The following PLEKHG5 variants were observed in gnomAD, a reference collection of about 807,000 sequenced individuals.
PLEKHG5 encodes pleckstrin homology domain-containing family G member 5.
Under a neutral mutation model 103.8 loss-of-function variants are expected in PLEKHG5, and 52 were observed. The ratio of observed to expected loss-of-function variants is 0.50; its 90% confidence interval spans 0.40 to 0.63. The LOEUF is 0.63. PLEKHG5 is among the 30% of genes least tolerant of loss of function. PLEKHG5 has a pLI of 0.00. For synonymous variants in PLEKHG5, 592 were observed against 575.5 expected, an observed-to-expected ratio of 1.03 and a Z score of -0.41; for missense variants, 1,205 against 1,347.6, an observed-to-expected ratio of 0.89 and a Z score of 1.66.
chr1:6,499,191 C>T (rs1645268406), upstream of PLEKHG5, among the ~76,000 whole-genome samples: 2 of 152,330 alleles, frequency 1.3e-5, no homozygotes, highest in South Asian at 4.1e-4. Context: ...TGGATTGTAG[C>T]CCCGTATTCT....
intron 6 of PLEKHG5, 85 bp from the exon 7 acceptor site, chr1:6,474,249 C>CA (rs1644690103): frequency 6.6e-7 from 1 of 1,523,814 alleles, no homozygotes; most frequent in Non-Finnish European, 9.0e-7. Context: ...GGAGGATCCA[C>CA]ACCAAGGCCT....
At chr1:6,482,631 C>T (rs985458663) in intron 1 of PLEKHG5, among the ~76,000 whole-genome samples, 2 of 152,220 alleles carry the variant, frequency 1.3e-5, no homozygotes, top group African/African-American at 2.4e-5. Context: ...TGTCTAAGGT[C>T]ACACAGCCAG....
At position 6,468,124 on chromosome 1, in the gene PLEKHG5, C is replaced by A; in HGVS notation, c.2712G>T (p.Glu904Asp). 1 of 1,574,616 alleles carries A rather than the reference C, an allele frequency of 6.4e-7. No individual in the cohort carries two copies. The highest frequency in any genetic ancestry group is 1.8e-5 in the Admixed American group (1 of 55,962). The change falls in exon 20 of 21, where the codon GAG becomes GAT. Residue 904 changes from glutamate to aspartate, a missense_variant. By Grantham distance (45) the Glu-to-Asp change is conservative. Coordinates refer to ENST00000377728, the MANE Select transcript of PLEKHG5 (RefSeq NM_020631.6). ...TPSAPSRSLS[E>D]LCLAVPAPGI... ...CTGGGGCTGGAACAGCCAGGCAGAG[C>A]TCTGACAGGCTGCGGCTGGGGGCAG...
At chr1:6,471,123 C>A in intron 12 of PLEKHG5, 23 bp from the exon 13 acceptor site, 1 of 1,547,770 alleles carries the variant, frequency 6.5e-7, no homozygotes, top group East Asian at 2.4e-5. Context: ...AGAACAACCA[C>A]GGCGCCGGTT....
In PLEKHG5 at chr1:6,474,656, C is replaced by G. The variant is rs1644704785; in HGVS notation, c.303-69G>C. On this transcript the variant is annotated intron_variant, in intron 5 of 20. Transcript: ENST00000377728. ...AGTCGCTTCAGCTTGGGCCCCGCCCCCACGAGCCCCCGCCCCACCCACAGC... is the reference window on the plus strand; with the variant it reads ...AGTCGCTTCAGCTTGGGCCCCGCCCGCACGAGCCCCCGCCCCACCCACAGC... 12 of 1,474,182 alleles carry G rather than the reference C, an allele frequency of 8.1e-6. No individual in the cohort carries two copies. In the South Asian group the frequency reaches 1.3e-4, roughly 16 times the overall value. 91.3% of individuals were successfully genotyped at this position (1,474,182 alleles called of 1,614,324 possible).
At chr1:6,500,051 C>T (rs1236379694), upstream of PLEKHG5, among the ~76,000 whole-genome samples, 5 of 152,176 alleles carry the variant, frequency 3.3e-5, no homozygotes, top group Non-Finnish European at 7.4e-5. Flanking sequence ...ATCCTCCTGC[C>T]TTGGCCTCCT....
upstream of PLEKHG5, among the ~76,000 whole-genome samples, chr1:6,499,959 C>G (rs1367767578): frequency 6.6e-6 from 1 of 152,120 alleles, no homozygotes; most frequent in Non-Finnish European, 1.5e-5. Context: ...ACCACCATAC[C>G]TGGCTAACTT....
Position 6,473,121 on chromosome 1 carries a change from G to A in PLEKHG5, c.849C>T (p.Phe283=), listed in dbSNP as rs750570012. The change falls in exon 9 of 21, where the codon TTC becomes TTT. Residue 283 remains phenylalanine (F), a synonymous_variant. Coordinates refer to ENST00000377728, the MANE Select transcript of PLEKHG5 (RefSeq NM_020631.6). ...GCCCCCGGGGCAGCCTGGGCAGCCC[G>A]AAGAGGCTGTAGGTGTGCAGCTTGC... The part of the protein sequence containing the change: ...LEGKLHTYSL[F]GLPRLPRGLR... 1.9e-5 allele frequency: 31 copies of A among 1,613,854 alleles called. No homozygotes were observed. The Admixed American group carries it at 2.2e-4, about 11-fold the overall frequency.
At chr1:6,471,850 T>C in intron 10 of PLEKHG5, 42 bp from the exon 11 acceptor site, 1 of 1,565,222 alleles carries the variant, frequency 6.4e-7, no homozygotes, top group Non-Finnish European at 8.7e-7. Context: ...CGGGAGGCTG[T>C]CTCAGCCCTA....
intron 19 of PLEKHG5, 124 bp from the exon 20 acceptor site, chr1:6,468,710 G>C: frequency 1.0e-6 from 1 of 986,920 alleles, no homozygotes; most frequent in Non-Finnish European, 1.6e-6. Flanking sequence ...CTCAGAGATG[G>C]CAGCATGTGG....
At position 6,491,126 on chromosome 1, in the gene PLEKHG5, G is replaced by A. The variant is rs1055232856; in HGVS notation, c.-88+511C>T. Reference sequence around the variant, plus strand: ...TTTTTCTGGCCCAGGTGATATGGCCGGAAAAGGGTGCTGTTCTGCCATTTA... The same window carrying A: ...TTTTTCTGGCCCAGGTGATATGGCCAGAAAAGGGTGCTGTTCTGCCATTTA... On this transcript the variant is annotated intron_variant, in intron 1 of 20. Coordinates refer to ENST00000377728, the MANE Select transcript of PLEKHG5 (RefSeq NM_020631.6). The surrounding 1 kb of genome is among the most constrained non-coding windows in gnomAD (Gnocchi z 4.1). 3.3e-5 allele frequency among the ~76,000 whole-genome samples: 5 copies of A among 151,814 alleles called. No homozygotes were observed. The East Asian group carries it at 5.8e-4, about 18-fold the overall frequency.
chr1:6,496,831 T>G (rs1645232232), upstream of PLEKHG5: 7 of 589,216 alleles, frequency 1.2e-5, no homozygotes, highest in East Asian at 2.3e-4. Context: ...TCTCCCTCTG[T>G]CCCTCTAGTC....
chr1:6,497,267 C>T (rs963184903), upstream of PLEKHG5: 36 of 904,810 alleles, frequency 4.0e-5, no homozygotes, highest in Non-Finnish European at 5.9e-5. This position sits in a 1 kb window ranked among gnomAD's most constrained non-coding sequence, Gnocchi z 6.1. Flanking sequence ...TAGGAGCCGG[C>T]CCGGCCCCCC....
chr1:6,499,558 T>C (rs894842594), upstream of PLEKHG5, among the ~76,000 whole-genome samples: 3 of 152,148 alleles, frequency 2.0e-5, no homozygotes, highest in Admixed American at 6.5e-5. Context: ...TCCTGGAGAC[T>C]GCAGACACGA....
rs539862748 is a variant in PLEKHG5 at position 6,505,888 on chromosome 1, G to C, written c.-164-9319C>G. 1.3e-5 allele frequency: 2 copies of C among 152,730 alleles called. No individual in the cohort carries two copies. The highest frequency in any genetic ancestry group is 4.8e-5 in the African/African-American group (2 of 41,578). The allele number at this position is 152,730 out of a possible 1,614,324, so 9.5% of individuals were successfully genotyped here. Reference sequence around the variant, plus strand: ...CCTGCACCAGCGGCAGCTCTCAGGAGTGGCTCTGGCCCCCACACCACCGTG... The same window carrying C: ...CCTGCACCAGCGGCAGCTCTCAGGACTGGCTCTGGCCCCCACACCACCGTG... On this transcript the variant is annotated intron_variant, in intron 1 of 21. Transcript: ENST00000377740. This position sits in a 1 kb window ranked among gnomAD's most constrained non-coding sequence, Gnocchi z 4.2.
Position 6,471,609 on chromosome 1 carries a change from A to C in PLEKHG5, c.1160T>G (p.Ile387Ser). Residue 387 changes from isoleucine (I) to serine (S), a missense_variant, in exon 12 of 21, where the codon ATC becomes AGC. By Grantham distance (142) the Ile-to-Ser change is moderately radical. Transcript: ENST00000377728. ...GCGGTGCAGCTGCGCGATCTCCGGG[A>C]TGTTGCTGAACAGGCGCTCCGCCTC... The part of the protein sequence containing the change: ...EVEAERLFSN[I>S]PEIAQLHRRL... 1 of 1,594,378 alleles carries C rather than the reference A, an allele frequency of 6.3e-7. No homozygotes were observed.
rs201663755 is a variant in PLEKHG5 at position 6,475,037 on chromosome 1, C to G, written c.302+10G>C. 1 of 1,551,554 alleles carries G rather than the reference C, an allele frequency of 6.4e-7. No homozygotes were observed. Among genetic ancestry groups the G allele is most frequent in the African/African-American group, 1.4e-5 (1 of 73,706 alleles). ...GTCCCACTTCCACCCTGAGCCCCAT[C>G]AAGCCCTACCCCAGTGACTTCTTCT... On this transcript the variant is annotated intron_variant, in intron 5 of 20. Transcript: ENST00000377728.
rs768862286 is a variant in PLEKHG5 at position 6,471,784 on chromosome 1, G to A, written c.1105C>T (p.Leu369=). ...INLFLCCLLN[L]QESGLLCEVE... ...TCACACAGCAGCCCTGACTCTTGCA[G>A]GTTCAGGAGGCAGCACAGGAACAGC... Residue 369 remains leucine (L), a synonymous_variant, in exon 11 of 21, where the codon CTG becomes TTG. Transcript: ENST00000377728. The A allele has an allele frequency of 6.2e-7, 1 of 1,610,326 alleles. No homozygotes were observed. Among genetic ancestry groups the A allele is most frequent in the South Asian group, 1.1e-5 (1 of 90,184 alleles).
At chr1:6,473,976 T>TGCC in intron 7 of PLEKHG5, 37 bp downstream of exon 7, 232 of 1,265,220 alleles carry the variant, frequency 1.8e-4, no homozygotes, top group Middle Eastern at 2.7e-4. Context: ...CTGGGCCCCT[T>TGCC]CCCACCCCCT....
Sources: gnomAD v4.1 joint callset for allele counts (sites outside exome capture counted in the v4.1 genomes callset) on GRCh38, gnomAD v4.1.1 for gene constraint, Gnocchi (gnomAD v3.1) non-coding constraint, MANE v1.5 for transcripts, NCBI Gene and HGNC (gene_info 2026-07-23, HGNC 2026-07-21) for gene names.